The following MYLK4 variants were observed in gnomAD, a reference collection of about 807,000 sequenced individuals.
MYLK4 encodes the protein caMLCK like.
A neutral mutation model predicts 48.1 loss-of-function variants in MYLK4; 46 were observed. The ratio of observed to expected loss-of-function variants is 0.96; its 90% CI spans 0.75 to 1.22. The LOEUF (loss-of-function observed/expected upper bound fraction) is 1.22, where lower values mean the gene tolerates loss of function less well. Ranked by LOEUF, MYLK4 falls within the 50% of genes most tolerant of loss-of-function variation. The probability of loss-of-function intolerance (pLI) is 0.00; values close to 1 mark genes in which losing one functional copy is unlikely to be tolerated. For missense variants in MYLK4, 451 were observed against 486.1 expected (o/e 0.93, Z 0.68); for synonymous variants, 170 against 180.8 (o/e 0.94, Z 0.48).
chr6:2,676,542 T>C (rs1256001566), intron 10 of MYLK4, among the ~76,000 whole-genome samples: 1 of 152,252 alleles, frequency 6.6e-6, no homozygotes, highest in Non-Finnish European at 1.5e-5. Context: ...TTAAACTTAA[T>C]AACATTTCAA....
chr6:2,671,321 G>A lies in MYLK4; in HGVS notation c.1147C>T (p.Gln383Ter), dbSNP rs770782965. Reference sequence around the variant, plus strand: ...GTAGACTATTTGGTCACAAAGTCCTGGGCATCAGAGCCACGATTCTTCTTC... The same window carrying A: ...GTAGACTATTTGGTCACAAAGTCCTAGGCATCAGAGCCACGATTCTTCTTC... ...QKKKNRGSDA[Q>*]DFVTK is the part of the protein sequence containing the mutation. The change falls in exon 12 of 13, where the codon CAG (glutamine) becomes TAG (stop). Residue 383 changes from glutamine to a stop codon, truncating the protein, a stop_gained. Transcript: ENST00000274643. LOFTEE classifies it high-confidence loss of function. 3.1e-6 allele frequency: 5 copies of A among 1,614,018 alleles called. No individual in the cohort carries two copies. The highest frequency in any genetic ancestry group is 4.2e-6 in the Non-Finnish European group (5 of 1,179,976).
intron 2 of MYLK4, among the ~76,000 whole-genome samples, chr6:2,694,544 T>A (rs55973659): frequency 9.0e-4 from 3 of 3,328 alleles, no homozygotes; most frequent in Non-Finnish European, 5.6e-4. Context: ...TAGTGTTGGT[T>A]GTGGTGGTAG....
At chr6:2,720,476 G>A (rs1763030793) in intron 2 of MYLK4, among the ~76,000 whole-genome samples, 2 of 151,968 alleles carry the variant, frequency 1.3e-5, no homozygotes, top group Admixed American at 1.3e-4. Context: ...ATTATGCAGG[G>A]AAATGAGAAC....
chr6:2,737,206 G>A (rs966976919), intron 2 of MYLK4, among the ~76,000 whole-genome samples: 5 of 152,208 alleles, frequency 3.3e-5, no homozygotes, highest in East Asian at 1.9e-4. Context: ...CCAGCTACTC[G>A]GGAGGCAAAG....
At chr6:2,697,525 G>A (rs985313341) in intron 2 of MYLK4, among the ~76,000 whole-genome samples, 7 of 152,216 alleles carry the variant, frequency 4.6e-5, no homozygotes, top group African/African-American at 1.7e-4. Flanking sequence ...GCATGAGTGC[G>A]CTCTCGCCCT....
intron 7 of MYLK4, 200 bp from the exon 8 acceptor site, chr6:2,680,491 A>T: frequency 1.0e-6 from 1 of 985,392 alleles, no homozygotes; most frequent in Non-Finnish European, 1.2e-6. Flanking sequence ...ACCCTGCATT[A>T]TCCAGCCTGT....
intron 4 of MYLK4, among the ~76,000 whole-genome samples, chr6:2,688,247 C>T (rs1207470314): frequency 2.0e-5 from 3 of 151,956 alleles, no homozygotes; most frequent in East Asian, 1.9e-4. Context: ...TTAATAGAGA[C>T]GGGGTTTCAC....
At chr6:2,750,142 T>C (rs528750268) in intron 1 of MYLK4, among the ~76,000 whole-genome samples, 2 of 152,344 alleles carry the variant, frequency 1.3e-5, no homozygotes, top group South Asian at 4.1e-4. Context: ...CATTTGAATT[T>C]GTGCTAGTTC....
intron 11 of MYLK4, 71 bp downstream of exon 11, chr6:2,674,976 G>T: frequency 3.0e-6 from 3 of 1,014,728 alleles, no homozygotes; most frequent in South Asian, 1.3e-5. Flanking sequence ...AGGTTAAGAT[G>T]ACTCCAGCAT....
the MYLK4 span, among the ~76,000 whole-genome samples, chr6:2,757,242 T>A: frequency 2.5e-4 from 38 of 152,272 alleles, no homozygotes; most frequent in Admixed American, 1.8e-3. Context: ...TTATTCTACA[T>A]GTCCAAAAGT....
the MYLK4 span, among the ~76,000 whole-genome samples, chr6:2,759,282 T>A: frequency 6.6e-6 from 1 of 152,062 alleles, no homozygotes; most frequent in Non-Finnish European, 1.5e-5. Flanking sequence ...GTTTAAAAAA[T>A]TTTTGTAGAG....
At chr6:2,762,813 A>G in the MYLK4 span, among the ~76,000 whole-genome samples, 1 of 152,188 alleles carries the variant, frequency 6.6e-6, no homozygotes, top group East Asian at 1.9e-4. Flanking sequence ...GGAGACCGTT[A>G]GAGGTCTTAG....
At chr6:2,726,711 C>T (rs1763290147) in intron 2 of MYLK4, among the ~76,000 whole-genome samples, 1 of 150,736 alleles carries the variant, frequency 6.6e-6, no homozygotes, top group Admixed American at 6.6e-5. Context: ...CTCCCGGCTT[C>T]CAGCAATTCT....
chr6:2,762,768 C>T, the MYLK4 span, among the ~76,000 whole-genome samples: 2 of 152,162 alleles, frequency 1.3e-5, no homozygotes, highest in African/African-American at 4.8e-5. Flanking sequence ...GCTTCCTGAT[C>T]TCGCCGGCTC....
intron 10 of MYLK4, among the ~76,000 whole-genome samples, chr6:2,676,641 A>G (rs935016304): frequency 6.6e-6 from 1 of 152,210 alleles, no homozygotes; most frequent in African/African-American, 2.4e-5. Context: ...TGGAATTCTA[A>G]GCCAGTTGCC....
chr6:2,663,932 G>A lies in MYLK4; in HGVS notation c.*3993C>T, dbSNP rs1229550926. The A allele has an allele frequency of 6.6e-6, 1 of 152,248 alleles. No homozygotes were observed. The highest frequency in any genetic ancestry group is 1.5e-5 in the Non-Finnish European group (1 of 68,046). 9.4% of individuals were successfully genotyped at this position (152,248 alleles called of 1,614,324 possible). A position where few individuals can be genotyped will look rare whatever the true frequency, so the allele number is the denominator to read the frequency against. ...CTCTTCTGAATGGGTAGTAGTGGTT[G>A]AGTTATAAGCCTTCATGGAAGGTGA... On this transcript the variant is annotated 3_prime_UTR_variant, in exon 13 of 13. Transcript: ENST00000274643.
At chr6:2,767,121 ATTTTGGTG>A in the MYLK4 span, among the ~76,000 whole-genome samples, 1 of 152,202 alleles carries the variant, frequency 6.6e-6, no homozygotes, top group South Asian at 2.1e-4. Flanking sequence ...ACATCCGTGC[ATTTTGGTG>A]TCCAGTTCTG....
intron 11 of MYLK4, among the ~76,000 whole-genome samples, chr6:2,674,451 T>C (rs1055834458): frequency 6.6e-6 from 1 of 152,242 alleles, no homozygotes; most frequent in Non-Finnish European, 1.5e-5. Flanking sequence ...TATGTGTGTA[T>C]GTATGTGCAC....
At chr6:2,753,836 C>T (rs1219102894), upstream of MYLK4, among the ~76,000 whole-genome samples, 1 of 151,900 alleles carries the variant, frequency 6.6e-6, no homozygotes, top group African/African-American at 2.4e-5. Context: ...TCATTTCACA[C>T]CCACTAGGAG....
Sources: gnomAD v4.1 joint callset for allele counts (sites outside exome capture counted in the v4.1 genomes callset) on GRCh38, gnomAD v4.1.1 for gene constraint, MANE v1.5 for transcripts, NCBI Gene and HGNC (gene_info 2026-07-23, HGNC 2026-07-21) for gene names.